Variants in MAPKAPK5 observed in about 807,000 individuals in gnomAD.
MAPKAPK5 encodes the protein MAP kinase-activated protein kinase 5.
In MAPKAPK5, 30 loss-of-function variants were observed where a neutral mutation model predicts 65.1. The observed-to-expected ratio is 0.46, with a 90% CI of 0.34 to 0.63. MAPKAPK5 has a LOEUF of 0.63. MAPKAPK5 is among the 20% of genes least tolerant of loss of function. The probability of loss-of-function intolerance (pLI) is 0.01; values close to 1 mark genes in which losing one functional copy is unlikely to be tolerated. For synonymous variants in MAPKAPK5, 179 were observed against 204.6 expected, an observed-to-expected ratio of 0.87 and a Z score of 1.07; for missense variants, 433 against 581.4, an observed-to-expected ratio of 0.74 and a Z score of 2.63.
In MAPKAPK5 at chr12:111,898,594, C is replaced by CT. The variant is rs2070901471; in HGVS notation, c.*5535dup. 6.6e-6 allele frequency: 1 copy of CT among 152,102 alleles called. No individual in the cohort carries two copies. Among genetic ancestry groups the CT allele is most frequent in the Admixed American group, 6.6e-5 (1 of 15,266 alleles). The allele number at this position is 152,102 out of a possible 1,614,324, so 9.4% of individuals were successfully genotyped here. ...ACAATATATCCGTGCATTAGGAAAA[C>CT]TTGGTAGAGAAGATTATATGCAGAT... On this transcript the variant is annotated 3_prime_UTR_variant, in exon 14 of 14. Coordinates refer to ENST00000550735, the MANE Select transcript of MAPKAPK5 (RefSeq NM_003668.4).
intron 7 of MAPKAPK5, 153 bp from the exon 8 acceptor site, chr12:111,880,294 C>T (rs1235834616): frequency 6.3e-6 from 4 of 631,440 alleles, no homozygotes; most frequent in Admixed American, 5.4e-5. Context: ...AAGAAAAAAA[C>T]GTTTTTGGAA....
intron 1 of MAPKAPK5, among the ~76,000 whole-genome samples, chr12:111,843,743 C>G (rs2068811326): frequency 6.6e-6 from 1 of 152,176 alleles, no homozygotes. Flanking sequence ...TCAAGTCATT[C>G]CAAAGAAACT....
chr12:111,846,415 A>G (rs2068906937), intron 1 of MAPKAPK5, among the ~76,000 whole-genome samples: 1 of 152,150 alleles, frequency 6.6e-6, no homozygotes, highest in Admixed American at 6.5e-5. Context: ...TTTGCTTTCC[A>G]CAATTTTAGT....
intron 1 of MAPKAPK5, chr12:111,843,475 C>T (rs1341320860): frequency 2.6e-6 from 1 of 389,608 alleles, no homozygotes; most frequent in African/African-American, 2.1e-5. Context: ...CACTCAGGGC[C>T]AGTTATCTGT....
intron 1 of MAPKAPK5, among the ~76,000 whole-genome samples, chr12:111,844,714 G>C (rs901125509): frequency 1.3e-5 from 2 of 152,208 alleles, no homozygotes; most frequent in African/African-American, 4.8e-5. Flanking sequence ...ATTAAGTGTG[G>C]AAAGGGTGAG....
chr12:111,849,618 T>C (rs1449483657), intron 1 of MAPKAPK5, among the ~76,000 whole-genome samples: 3 of 152,348 alleles, frequency 2.0e-5, no homozygotes, highest in Middle Eastern at 3.4e-3. Flanking sequence ...TTGGCAAATA[T>C]TTTCTCCCAG....
intron 5 of MAPKAPK5, among the ~76,000 whole-genome samples, 163 bp from the exon 6 acceptor site, chr12:111,870,106 TTC>T (rs1485002053): frequency 1.3e-5 from 2 of 152,222 alleles, no homozygotes; most frequent in Non-Finnish European, 2.9e-5. Context: ...GCTTAATCCA[TTC>T]TGTTTCTTGG....
chr12:111,862,081 CTACCTTCTCCTTTGT>C (rs1188346135), intron 1 of MAPKAPK5, among the ~76,000 whole-genome samples: 2,703 of 152,226 alleles, frequency 0.018, 87 homozygotes, highest in African/African-American at 0.06. Flanking sequence ...CCATGCCTTC[CTACCTTCTCCTTTGT>C]CATTAAAATA....
intron 7 of MAPKAPK5, among the ~76,000 whole-genome samples, chr12:111,873,225 T>TCCCCCTTAAGG (rs941646875): frequency 6.6e-6 from 1 of 152,184 alleles, no homozygotes; most frequent in African/African-American, 2.4e-5. Flanking sequence ...GTTCTTTTTT[T>TCCCCCTTAAGG]CCCCCTTAAG....
rs984683860 is a variant in MAPKAPK5 at position 111,894,480 on chromosome 12, G to C, written c.*1419G>C. The C allele has an allele frequency of 2.0e-5, 3 of 151,790 alleles. No individual in the cohort carries two copies. Among genetic ancestry groups the C allele is most frequent in the African/African-American group, 7.3e-5 (3 of 41,278 alleles). The allele number at this position is 151,790 out of a possible 1,614,324, so 9.4% of individuals were successfully genotyped here. A position where few individuals can be genotyped will look rare whatever the true frequency, so the allele number is the denominator to read the frequency against. The stretch of plus-strand genomic sequence containing the variant: ...GTCCTGTTTTTGGAATAACTTGTCC[G>C]AGAAATTTACATATAATTAATTGAA... On this transcript the variant is annotated 3_prime_UTR_variant, in exon 14 of 14. Coordinates refer to ENST00000550735, the MANE Select transcript of MAPKAPK5 (RefSeq NM_003668.4).
In MAPKAPK5 at chr12:111,895,239, C is replaced by G. The variant is rs901477121; in HGVS notation, c.*2178C>G. The G allele has an allele frequency of 6.6e-6, 1 of 150,788 alleles. No individual in the cohort carries two copies. The highest frequency in any genetic ancestry group is 2.4e-5 in the African/African-American group (1 of 40,920). The allele number at this position is 150,788 out of a possible 1,614,324, so 9.3% of individuals were successfully genotyped here. On this transcript the variant is annotated 3_prime_UTR_variant, in exon 14 of 14. Transcript: ENST00000550735. ...AGCCTCCTGAGTAGCTGGGACTATACAGGTGCCCGCCACCGCGCCCGGCTA... is the reference window on the plus strand; with the variant it reads ...AGCCTCCTGAGTAGCTGGGACTATAGAGGTGCCCGCCACCGCGCCCGGCTA...
intron 1 of MAPKAPK5, among the ~76,000 whole-genome samples, chr12:111,860,653 G>A (rs2069408094): frequency 6.6e-6 from 1 of 152,168 alleles, no homozygotes; most frequent in African/African-American, 2.4e-5. Flanking sequence ...TGGGGATAGA[G>A]GAGTAGAAGG....
At chr12:111,886,768 G>C (rs1231954264) in intron 10 of MAPKAPK5, among the ~76,000 whole-genome samples, 1 of 152,196 alleles carries the variant, frequency 6.6e-6, no homozygotes, top group African/African-American at 2.4e-5. Flanking sequence ...GGCCATAGTA[G>C]CTTTTTGAGA....
In MAPKAPK5 at chr12:111,893,825, C is replaced by A. The variant is rs560480870; in HGVS notation, c.*764C>A. ...CCGCCTCCCAGGTTCCAGTGATCCT[C>A]CCACATCAGCCTCCCAAGTAGCTGG... On this transcript the variant is annotated 3_prime_UTR_variant, in exon 14 of 14. Transcript: ENST00000550735. 6.6e-6 allele frequency: 1 copy of A among 151,994 alleles called. No individual in the cohort carries two copies. Among genetic ancestry groups the A allele is most frequent in the African/African-American group, 2.4e-5 (1 of 41,334 alleles). The allele number at this position is 151,994 out of a possible 1,614,324, so 9.4% of individuals were successfully genotyped here.
chr12:111,849,712 T>TTTTTTC (rs1488505450), intron 1 of MAPKAPK5, among the ~76,000 whole-genome samples: 2 of 152,072 alleles, frequency 1.3e-5, no homozygotes, highest in Non-Finnish European at 2.9e-5. Context: ...TTTAGCACAT[T>TTTTTTC]TTTTTCTTTT....
At chr12:111,866,409 A>G (rs986305249) in intron 3 of MAPKAPK5, among the ~76,000 whole-genome samples, 178 bp downstream of exon 3, 4 of 152,228 alleles carry the variant, frequency 2.6e-5, no homozygotes, top group African/African-American at 9.6e-5. Context: ...TGTCAATATC[A>G]AAGGCCATTG....
chr12:111,843,689 T>C (rs7970847), intron 1 of MAPKAPK5, among the ~76,000 whole-genome samples: 29,760 of 152,202 alleles, frequency 0.2, 3,125 homozygotes, highest in Middle Eastern at 0.27. Flanking sequence ...AGAATTTACA[T>C]TTCTACCAAT....
At chr12:111,853,291 G>A (rs1403259559) in intron 1 of MAPKAPK5, among the ~76,000 whole-genome samples, 1 of 151,792 alleles carries the variant, frequency 6.6e-6, no homozygotes, top group African/African-American at 2.4e-5. Context: ...AGAATGGCGC[G>A]AACCTGGGAG....
chr12:111,866,329 T>A (rs2136105982), intron 3 of MAPKAPK5, 98 bp downstream of exon 3: 1 of 1,031,336 alleles, frequency 9.7e-7, no homozygotes, highest in South Asian at 1.6e-5. Context: ...CAGTGATGCA[T>A]AAAAAGTTTT....
Sources: gnomAD v4.1 joint callset for allele counts (sites outside exome capture counted in the v4.1 genomes callset) on GRCh38, gnomAD v4.1.1 for gene constraint, MANE v1.5 for transcripts, NCBI Gene and HGNC (gene_info 2026-07-23, HGNC 2026-07-21) for gene names.